The following ERMAP variants were observed in gnomAD, a reference collection of about 807,000 sequenced individuals.
ERMAP encodes the protein erythroid membrane-associated protein.
In ERMAP, 34 loss-of-function variants were observed where a neutral mutation model predicts 49.5. That is an observed-to-expected ratio of 0.69 (90% CI 0.52 to 0.91). The LOEUF (loss-of-function observed/expected upper bound fraction) is 0.91, where lower values mean the gene tolerates loss of function less well. Among genes scored for constraint, ERMAP ranks in the 40% least tolerant of loss-of-function variants. The pLI is 0.00. For missense variants in ERMAP, 541 were observed against 582.6 expected (o/e 0.93, Z 0.74); for synonymous variants, 214 against 232.2 (o/e 0.92, Z 0.71).
intron 2 of ERMAP, among the ~76,000 whole-genome samples, chr1:42,827,081 T>C (rs1654575925): frequency 1.3e-5 from 2 of 152,188 alleles, no homozygotes; most frequent in South Asian, 4.1e-4. Flanking sequence ...AATCCTAAAG[T>C]CATGTAAAGA....
intron 11 of ERMAP, 129 bp from the exon 12 acceptor site, chr1:42,842,388 G>A (rs888795914): frequency 6.8e-5 from 50 of 735,544 alleles, no homozygotes; most frequent in South Asian, 3.6e-4. Flanking sequence ...TGGTGGGGGC[G>A]GGAATCCATG....
Position 42,837,185 on chromosome 1 carries a change from A to C in ERMAP, c.611A>C (p.Glu204Ala), listed in dbSNP as rs879452382. The C allele has an allele frequency of 1.2e-6, 2 of 1,613,538 alleles. No individual in the cohort carries two copies. The highest frequency in any genetic ancestry group is 1.3e-5 in the African/African-American group (1 of 74,934). Residue 204 changes from glutamate (E) to alanine (A), a missense_variant, in exon 7 of 12, where the codon GAA (glutamate) becomes GCA (alanine). Physicochemically the swap from Glu to Ala is moderately radical, Grantham distance 107. Transcript: ENST00000372517. ...VDNLLSDHAK[E>A]KGKLHKAVKK... is the part of the protein sequence containing the mutation. ...AATCTTCTTTCAGACCATGCTAAAG[A>C]AAAAGGTAATGATATAAAAGAGTAA...
At chr1:42,827,989 A>C (rs1487883200) in intron 2 of ERMAP, among the ~76,000 whole-genome samples, 1 of 152,156 alleles carries the variant, frequency 6.6e-6, no homozygotes, top group African/African-American at 2.4e-5. Flanking sequence ...AAATGCAATA[A>C]ATAAGAACTA....
chr1:42,830,347 C>T (rs1654680152), intron 2 of ERMAP, 97 bp from the exon 3 acceptor site: 1 of 1,034,000 alleles, frequency 9.7e-7, no homozygotes, highest in Admixed American at 1.8e-5. Context: ...GATCCCAGAG[C>T]ACCAGCAATA....
In ERMAP at chr1:42,826,197, T is replaced by C. The variant is rs1458871761; in HGVS notation, c.-6+459T>C. 3.3e-5 allele frequency among the ~76,000 whole-genome samples: 5 copies of C among 152,320 alleles called. No homozygotes were observed. The East Asian group carries it at 7.7e-4, about 24-fold the overall frequency. On this transcript the variant is annotated intron_variant, in intron 2 of 11. Transcript: ENST00000372517. ...AACATGTGTAGTGGAAAAAAATGGT[T>C]AGTATATGCAGAATTTTGCAAACCA...
Position 42,844,129 on chromosome 1 carries a change from A to G in ERMAP, c.*897A>G, listed in dbSNP as rs919780757. Reference sequence around the variant, plus strand: ...TGGCAGTTTTAACCACCAACGTAGAAGCTTTTTTTTCCCCACAAGACCATT... The same window carrying G: ...TGGCAGTTTTAACCACCAACGTAGAGGCTTTTTTTTCCCCACAAGACCATT... On this transcript the variant is annotated 3_prime_UTR_variant, in exon 12 of 12. Transcript: ENST00000372517. The surrounding 1 kb of genome is among the most constrained non-coding windows in gnomAD (Gnocchi z 4.0). 2 of 398,506 alleles carry G rather than the reference A, an allele frequency of 5.0e-6. No homozygotes were observed. Among genetic ancestry groups the G allele is most frequent in the African/African-American group, 2.1e-5 (1 of 48,632 alleles). The allele number at this position is 398,506 out of a possible 1,614,324, so 24.7% of individuals were successfully genotyped here. A position where few individuals can be genotyped will look rare whatever the true frequency, so the allele number is the denominator to read the frequency against.
chr1:42,824,676 T>TA (rs1181113912), intron 1 of ERMAP: 1 of 152,210 alleles, frequency 6.6e-6, no homozygotes, highest in Non-Finnish European at 1.5e-5. Context: ...CGGAGCTACT[T>TA]ACCACTATGA....
intron 4 of ERMAP, 94 bp from the exon 5 acceptor site, chr1:42,834,944 G>A (rs1364153416): frequency 6.7e-6 from 5 of 746,346 alleles, no homozygotes; most frequent in Non-Finnish European, 9.9e-6. Context: ...GTGATGGAGA[G>A]TGTTGGGATG....
In ERMAP at chr1:42,840,253, C is replaced by A; in HGVS notation, c.686-17C>A. On this transcript the variant is annotated splice_polypyrimidine_tract_variant and intron_variant, in intron 10 of 11. Transcript: ENST00000372517. ...ATGTCTCTGGTACTTTAATGATCCC[C>A]TTTTCTCATTTTTCAGGCTGGAGAA... The A allele has an allele frequency of 6.2e-7, 1 of 1,614,124 alleles. No individual in the cohort carries two copies. The highest frequency in any genetic ancestry group is 8.5e-7 in the Non-Finnish European group (1 of 1,180,030).
intron 6 of ERMAP, among the ~76,000 whole-genome samples, chr1:42,836,010 C>T (rs1329224570): frequency 3.3e-5 from 5 of 151,986 alleles, no homozygotes; most frequent in South Asian, 4.2e-4. Flanking sequence ...CTATGGGAGT[C>T]GAGTAGCTTG....
chr1:42,840,768 A>G (rs555240188), intron 11 of ERMAP, among the ~76,000 whole-genome samples: 2 of 152,268 alleles, frequency 1.3e-5, no homozygotes, highest in African/African-American at 4.8e-5. Flanking sequence ...AAATTCATTC[A>G]TCTTTTTCTG....
At position 42,840,050 on chromosome 1, in the gene ERMAP, CTGAG is replaced by C. The variant is rs1175685679; in HGVS notation, c.657_658+2del. On this transcript the variant is annotated splice_donor_variant and coding_sequence_variant, in exon 9 of 12. Transcript: ENST00000372517. LOFTEE classifies it high-confidence loss of function. The stretch of plus-strand genomic sequence containing the variant: ...TTCTTTAGAGAAACTCCGGAGTGAA[CTGAG>C]TAAGTTTCCCATGTTCTTGTAACTT... 4 of 1,614,052 alleles carry C rather than the reference CTGAG, an allele frequency of 2.5e-6. No individual in the cohort carries two copies. Among genetic ancestry groups the C allele is most frequent in the Admixed American group, 1.7e-5 (1 of 60,004 alleles).
intron 2 of ERMAP, chr1:42,829,784 C>T (rs769578779): frequency 6.8e-4 from 103 of 152,472 alleles, no homozygotes; most frequent in Non-Finnish European, 1.1e-3. Flanking sequence ...AGATTAAGAA[C>T]CCGAGGTCCA....
chr1:42,843,115 C>T lies in ERMAP; in HGVS notation c.1311C>T (p.Ser437=), dbSNP rs779108933. Residue 437 remains serine (S), a synonymous_variant, in exon 12 of 12, where the codon TCC becomes TCT. Coordinates refer to ENST00000372517, the MANE Select transcript of ERMAP (RefSeq NM_001017922.2). ...AAGGCCATGCTAATGGAGATGTGTC[C>T]CTCAAGGTGAACTCTTCTTTACTAC... ...EGKGHANGDV[S]LKVNSSLLPP... 5.6e-6 allele frequency: 9 copies of T among 1,614,034 alleles called. No homozygotes were observed. The highest frequency in any genetic ancestry group is 3.3e-5 in the South Asian group (3 of 91,082).
At chr1:42,817,693 A>G (rs2124265069) in intron 1 of ERMAP, 1 of 152,600 alleles carries the variant, frequency 6.6e-6, no homozygotes, top group African/African-American at 2.4e-5. Flanking sequence ...CCCGTTTGCC[A>G]CAGTGCTTTG....
At chr1:42,829,931 C>T (rs562987652) in intron 2 of ERMAP, 5 of 159,040 alleles carry the variant, frequency 3.1e-5, no homozygotes, top group African/African-American at 1.2e-4. Context: ...ACCTCACTGC[C>T]TTGATCTGTT....
chr1:42,833,303 A>C (rs1288392625), intron 4 of ERMAP, among the ~76,000 whole-genome samples: 2 of 152,266 alleles, frequency 1.3e-5, no homozygotes, highest in Non-Finnish European at 2.9e-5. Context: ...GGAAACTGAA[A>C]AATGGCCTAT....
intron 1 of ERMAP, among the ~76,000 whole-genome samples, chr1:42,818,720 C>T (rs1654318834): frequency 6.6e-6 from 1 of 152,188 alleles, no homozygotes; most frequent in Admixed American, 6.5e-5. Context: ...ATCCTCCTGC[C>T]TCAGTCTCCC....
At chr1:42,830,408 C>A (rs375687817) in intron 2 of ERMAP, 36 bp from the exon 3 acceptor site, 4 of 1,594,642 alleles carry the variant, frequency 2.5e-6, no homozygotes, top group East Asian at 2.2e-5. Flanking sequence ...CCAAGCCCAT[C>A]AGCCCGCTTG....
Sources: allele counts gnomAD v4.1 joint callset (sites outside exome capture counted in the v4.1 genomes callset), GRCh38; gene constraint gnomAD v4.1.1; non-coding constraint Gnocchi (gnomAD v3.1); transcripts MANE v1.5; gene names NCBI Gene and HGNC (gene_info 2026-07-23, HGNC 2026-07-21).